ITGAE: variants seen among roughly 807,000 people sequenced by gnomAD.
ITGAE encodes the protein integrin alpha-E.
In ITGAE, 99 loss-of-function variants were observed where a neutral mutation model predicts 136.5. That is an observed-to-expected ratio of 0.73 (90% confidence interval 0.62 to 0.86). The LOEUF is 0.86. ITGAE is among the 40% of genes least tolerant of loss of function. The pLI is 0.00. For synonymous variants in ITGAE, 613 were observed against 591.8 expected (o/e 1.04, Z -0.52); for missense variants, 1,447 against 1,515.3 (o/e 0.95, Z 0.75).
At position 3,720,026 on chromosome 17, in the gene ITGAE, T is replaced by A. The variant is rs1280317071; in HGVS notation, c.3333+281A>T. ...CAGGCGTGAGCCACCTGCGCCCAGC[T>A]GCGAAATTTTTTTTTTTAATCAATC... On this transcript the variant is annotated intron_variant, in intron 29 of 30. Transcript: ENST00000263087. Among the ~76,000 whole-genome samples the A allele has an allele frequency of 1.2e-4, 18 of 152,160 alleles. 1 individual carries two copies. Among genetic ancestry groups the A allele is most frequent in the Admixed American group, 1.1e-3 (17 of 15,266 alleles).
At chr17:3,784,779 G>T (rs2052746336) in intron 1 of ITGAE, among the ~76,000 whole-genome samples, 1 of 152,126 alleles carries the variant, frequency 6.6e-6, no homozygotes, top group South Asian at 2.1e-4. Context: ...AAATATCAAT[G>T]AATTGAAATA....
chr17:3,745,428 C>A (rs531638121), intron 18 of ITGAE, among the ~76,000 whole-genome samples: 22 of 152,238 alleles, frequency 1.4e-4, no homozygotes, highest in African/African-American at 4.3e-4. Flanking sequence ...TGCAACCTCC[C>A]TCCCCTGGAT....
intron 19 of ITGAE, 63 bp from the exon 20 acceptor site, chr17:3,739,941 G>C: frequency 7.4e-7 from 1 of 1,347,416 alleles, no homozygotes; most frequent in Admixed American, 1.7e-5. Context: ...CCCTGCCTCC[G>C]GCTCTTCTCC....
chr17:3,787,690 C>CT (rs373882120), intron 1 of ITGAE, among the ~76,000 whole-genome samples: 2,252 of 140,320 alleles, frequency 0.016, 45 homozygotes, highest in African/African-American at 0.05. Flanking sequence ...ATGGTTTTCT[C>CT]TTTTTTTTTT....
At chr17:3,723,836 GC>G (rs2051123568) in intron 26 of ITGAE, 92 bp from the exon 27 acceptor site, 2 of 1,544,014 alleles carry the variant, frequency 1.3e-6, no homozygotes, top group African/African-American at 1.4e-5. Context: ...AGGTGCGCAT[GC>G]GCAGGGCCGG....
rs2051544289 is a variant in ITGAE at position 3,739,886 on chromosome 17, C to G, written c.2449-8G>C. ...GGCCTTCTCATAGGGCAGCTGTAAC[C>G]AGACAGAGAGTCCCGATCAGCCCAG... On this transcript the variant is annotated splice_polypyrimidine_tract_variant and splice_region_variant and intron_variant, in intron 19 of 30. Coordinates refer to ENST00000263087, the MANE Select transcript of ITGAE (RefSeq NM_002208.5). The G allele has an allele frequency of 5.6e-6, 9 of 1,612,814 alleles. No individual in the cohort carries two copies. Among genetic ancestry groups the G allele is most frequent in the Non-Finnish European group, 7.6e-6 (9 of 1,178,760 alleles).
intron 19 of ITGAE, among the ~76,000 whole-genome samples, chr17:3,742,783 C>G (rs1362049034): frequency 6.6e-6 from 1 of 152,224 alleles, no homozygotes; most frequent in Non-Finnish European, 1.5e-5. Flanking sequence ...TCCCTAGTAG[C>G]TGGGACTACA....
Position 3,745,850 on chromosome 17 carries a change from C to G in ITGAE, c.2233G>C (p.Val745Leu), listed in dbSNP as rs147122172. The part of the protein sequence containing the change: ...KQRRRLQCSD[V>L]RSCLGCLREW... ...CTCAGGCAGCCCAGACAGCTTCTTA[C>G]GTCTGAACACTGCAGCCGTCTCCTC... The change falls in exon 18 of 31, where the codon GTA becomes CTA. Residue 745 changes from valine to leucine, a missense_variant. By Grantham distance (32) the Val-to-Leu change is conservative (BLOSUM62 1). This residue lies in a region of ITGAE where 1,031 missense variants were observed against 1,011.4 expected (regional missense o/e 1.02). Coordinates refer to ENST00000263087, the MANE Select transcript of ITGAE (RefSeq NM_002208.5). 3.5e-5 allele frequency: 56 copies of G among 1,613,988 alleles called. No homozygotes were observed. Among genetic ancestry groups the G allele is most frequent in the Admixed American group, 5.0e-5 (3 of 59,996 alleles).
At chr17:3,786,962 G>C (rs2052814495) in intron 1 of ITGAE, among the ~76,000 whole-genome samples, 1 of 150,040 alleles carries the variant, frequency 6.7e-6, no homozygotes, top group South Asian at 2.1e-4. Flanking sequence ...AGAGTGGTTT[G>C]ACATTTAAAA....
chr17:3,794,586 G>A (rs1370465003), intron 1 of ITGAE, among the ~76,000 whole-genome samples: 1 of 152,166 alleles, frequency 6.6e-6, no homozygotes, highest in Admixed American at 6.5e-5. Flanking sequence ...GACTCTCAAA[G>A]GTTCCAGATC....
chr17:3,727,560 C>T (rs772588603), intron 26 of ITGAE, among the ~76,000 whole-genome samples: 10 of 152,072 alleles, frequency 6.6e-5, no homozygotes, highest in Admixed American at 3.3e-4. Flanking sequence ...CCACCACGCC[C>T]GGAGAATTTT....
intron 1 of ITGAE, among the ~76,000 whole-genome samples, chr17:3,785,497 A>G (rs2143403266): frequency 5.0e-5 from 1 of 20,182 alleles, no homozygotes; most frequent in South Asian, 1.7e-3. Flanking sequence ...GGAAGGAAGG[A>G]GGAAGGAAGG....
At chr17:3,733,953 G>A (rs2051402650) in intron 21 of ITGAE, among the ~76,000 whole-genome samples, 1 of 152,246 alleles carries the variant, frequency 6.6e-6, no homozygotes, top group Admixed American at 6.5e-5. Context: ...TGTATCTGAA[G>A]CTCTCTACCT....
chr17:3,716,721 C>T lies in ITGAE; in HGVS notation c.3411G>A (p.Leu1137=). 1.2e-6 allele frequency: 2 copies of T among 1,609,918 alleles called. No individual in the cohort carries two copies. The highest frequency in any genetic ancestry group is 1.7e-6 in the Non-Finnish European group (2 of 1,176,248). Residue 1137 remains leucine, a synonymous_variant, in exon 30 of 31, where the codon CTG becomes CTA. Coordinates refer to ENST00000263087, the MANE Select transcript of ITGAE (RefSeq NM_002208.5). ...GGATGACCAGAATCACGATCAACAC[C>T]AGAAGTCCACCAACGCTGCCTTTAA... The part of the protein sequence containing the change: ...IIIKGSVGGL[L]VLIVILVILF...
At chr17:3,795,918 TGTGTGTGCATCCGTGTGTGTGCATCC>T (rs1229282276) in intron 1 of ITGAE, among the ~76,000 whole-genome samples, 2 of 145,832 alleles carry the variant, frequency 1.4e-5, no homozygotes, top group Non-Finnish European at 1.5e-5. Flanking sequence ...TGCGCATCCG[TGTGTGTGCATCCGTGTGTGTGCATCC>T]GTGTGTGCAT....
chr17:3,777,026 T>C (rs1037803433), intron 2 of ITGAE, among the ~76,000 whole-genome samples: 2 of 150,344 alleles, frequency 1.3e-5, no homozygotes, highest in African/African-American at 4.9e-5. Context: ...AGTGGCGCCA[T>C]CTCGGTTCAC....
chr17:3,750,612 A>G, intron 15 of ITGAE, 130 bp from the exon 16 acceptor site: 1 of 1,096,346 alleles, frequency 9.1e-7, no homozygotes, highest in South Asian at 1.6e-5. Flanking sequence ...GTCTAGAACC[A>G]GGAAAGAGGG....
At chr17:3,730,289 A>C (rs561609806) in intron 23 of ITGAE, 1 of 152,134 alleles carries the variant, frequency 6.6e-6, no homozygotes, top group African/African-American at 2.4e-5. Flanking sequence ...CCCCATCTCT[A>C]CTAAAACTAC....
chr17:3,739,668 G>T, intron 20 of ITGAE, 137 bp downstream of exon 20: 1 of 713,682 alleles, frequency 1.4e-6, no homozygotes. Flanking sequence ...GACATATTGA[G>T]ATAATAAGTG....
Sources: gnomAD v4.1 joint callset for allele counts (sites outside exome capture counted in the v4.1 genomes callset) on GRCh38, gnomAD v4.1.1 for gene constraint, gnomAD v4.1.1 regional missense constraint, MANE v1.5 for transcripts, NCBI Gene and HGNC (gene_info 2026-07-23, HGNC 2026-07-21) for gene names.